The following WDR41 variants were observed in gnomAD, a reference collection of about 807,000 sequenced individuals.
WDR41 encodes the protein WD repeat domain 41.
A neutral mutation model predicts 69.3 loss-of-function variants in WDR41; 63 were observed. The ratio of observed to expected loss-of-function variants is 0.91; its 90% CI spans 0.74 to 1.12. The LOEUF is 1.12. Ranked by LOEUF, WDR41 falls within the 50% of genes most tolerant of loss-of-function variation. The probability of loss-of-function intolerance (pLI) is 0.00; values close to 1 mark genes in which losing one functional copy is unlikely to be tolerated. For missense variants in WDR41, 543 were observed against 534.5 expected (o/e 1.02, Z -0.16); for synonymous variants, 185 against 192.1 (o/e 0.96, Z 0.31).
intron 1 of WDR41, among the ~76,000 whole-genome samples, chr5:77,594,790 G>A (rs573800147): frequency 6.6e-6 from 1 of 152,322 alleles, no homozygotes; most frequent in South Asian, 2.1e-4. Flanking sequence ...AATGCAGCCT[G>A]CATTATGCGG....
At position 77,451,259 on chromosome 5, in the gene WDR41, A is replaced by G. The variant is rs749336887; in HGVS notation, c.586+32T>C. 5 of 1,608,816 alleles carry G rather than the reference A, an allele frequency of 3.1e-6. No individual in the cohort carries two copies. In the East Asian group the frequency reaches 1.1e-4, roughly 36 times the overall value. ...AGCATGTGTATACAATTCTCGTTCA[A>G]AATACACAAAAAGAAAAAAATTCAT... On this transcript the variant is annotated intron_variant, in intron 7 of 12. Coordinates refer to ENST00000296679, the MANE Select transcript of WDR41 (RefSeq NM_018268.4).
chr5:77,471,429 A>C (rs1800602831), intron 2 of WDR41, among the ~76,000 whole-genome samples: 1 of 152,214 alleles, frequency 6.6e-6, no homozygotes, highest in Non-Finnish European at 1.5e-5. Flanking sequence ...CTAAGATCAG[A>C]GCAGAACTGA....
intron 5 of WDR41, chr5:77,458,857 C>A: frequency 4.9e-6 from 2 of 410,314 alleles, no homozygotes; most frequent in Admixed American, 8.7e-5. Context: ...GGGATTATCC[C>A]TTGCTCTAAT....
intron 1 of WDR41, among the ~76,000 whole-genome samples, chr5:77,614,706 C>G (rs10059278): frequency 0.02 from 2,973 of 147,434 alleles, 56 homozygotes; most frequent in Non-Finnish European, 0.029. Context: ...CTTAATGACG[C>G]GTTAATGGGT....
At chr5:77,608,040 G>A (rs993393015) in intron 1 of WDR41, among the ~76,000 whole-genome samples, 2 of 152,024 alleles carry the variant, frequency 1.3e-5, no homozygotes, top group Non-Finnish European at 2.9e-5. Context: ...CTTTTCTCTT[G>A]CAAAATTGAA....
chr5:77,610,324 A>G (rs368414184), intron 1 of WDR41, among the ~76,000 whole-genome samples: 2 of 151,990 alleles, frequency 1.3e-5, no homozygotes, highest in African/African-American at 4.8e-5. Context: ...GATATTCCTC[A>G]AGAAGAGCAA....
At chr5:77,612,898 T>C (rs567874939) in intron 1 of WDR41, among the ~76,000 whole-genome samples, 2,891 of 151,572 alleles carry the variant, frequency 0.019, 32 homozygotes, top group Non-Finnish European at 0.031. Context: ...GAAAACCCCA[T>C]CGTCTCAGCC....
chr5:77,512,700 C>G (rs139281453), intron 1 of WDR41, among the ~76,000 whole-genome samples: 4,997 of 140,090 alleles, frequency 0.036, 122 homozygotes, highest in Middle Eastern at 0.11. Context: ...GAGCTGAGAT[C>G]ACGCCACTGC....
At chr5:77,550,610 GAGAATGCTTATACACTGT>G (rs1743278706) in intron 1 of WDR41, among the ~76,000 whole-genome samples, 1 of 152,216 alleles carries the variant, frequency 6.6e-6, no homozygotes, top group Non-Finnish European at 1.5e-5. Context: ...GTGGAGAAAA[GAGAATGCTTATACACTGT>G]TGGTGGGAAT....
intron 1 of WDR41, among the ~76,000 whole-genome samples, chr5:77,576,146 A>G (rs1322510527): frequency 2.0e-5 from 3 of 151,690 alleles, no homozygotes; most frequent in African/African-American, 7.3e-5. Flanking sequence ...ACGCACCCTT[A>G]CTCTCTTTCC....
intron 2 of WDR41, among the ~76,000 whole-genome samples, chr5:77,481,166 C>T (rs1000104874): frequency 1.6e-4 from 25 of 152,188 alleles, no homozygotes; most frequent in Non-Finnish European, 1.8e-4. Flanking sequence ...CCCACGACCA[C>T]GCATGGCTGA....
intron 5 of WDR41, among the ~76,000 whole-genome samples, chr5:77,458,338 A>G (rs941132065): frequency 6.6e-6 from 1 of 152,130 alleles, no homozygotes; most frequent in Non-Finnish European, 1.5e-5. Flanking sequence ...GCACACAGCA[A>G]TTCTTTTTAC....
intron 1 of WDR41, among the ~76,000 whole-genome samples, chr5:77,558,700 T>A (rs1743460311): frequency 6.6e-6 from 1 of 152,242 alleles, no homozygotes; most frequent in Non-Finnish European, 1.5e-5. Context: ...ACTATTTATG[T>A]TATTGCAGTG....
intron 1 of WDR41, among the ~76,000 whole-genome samples, chr5:77,616,413 C>T (rs1349947130): frequency 1.3e-5 from 2 of 152,186 alleles, no homozygotes; most frequent in African/African-American, 4.8e-5. Context: ...ATTAATGTAG[C>T]AGCACATCTG....
chr5:77,558,121 A>AAAAAC (rs1389601993), intron 1 of WDR41, among the ~76,000 whole-genome samples: 2 of 150,662 alleles, frequency 1.3e-5, no homozygotes, highest in Admixed American at 1.3e-4. Flanking sequence ...AAAAAACAAA[A>AAAAAC]CAGGAGTAGG....
At chr5:77,521,348 A>G (rs953902639) in intron 1 of WDR41, among the ~76,000 whole-genome samples, 1 of 152,238 alleles carries the variant, frequency 6.6e-6, no homozygotes, top group East Asian at 1.9e-4. Context: ...TCAGGCAGTA[A>G]TGCCGGCTCC....
At chr5:77,435,789 C>T (rs1798916923) in intron 12 of WDR41, among the ~76,000 whole-genome samples, 1 of 152,158 alleles carries the variant, frequency 6.6e-6, no homozygotes, top group African/African-American at 2.4e-5. Flanking sequence ...TTCATATTTG[C>T]ACAATGAAAA....
chr5:77,500,758 G>T (rs1802005275), intron 1 of WDR41, among the ~76,000 whole-genome samples: 1 of 152,188 alleles, frequency 6.6e-6, no homozygotes, highest in African/African-American at 2.4e-5. Flanking sequence ...ATTTCCTGTA[G>T]ATAGACAAGC....
chr5:77,532,923 A>G (rs181827676), intron 1 of WDR41, among the ~76,000 whole-genome samples: 20 of 152,096 alleles, frequency 1.3e-4, no homozygotes, highest in African/African-American at 3.6e-4. Flanking sequence ...GCAATGTTCT[A>G]TTTCTTTACT....
Sources: gnomAD v4.1 joint callset for allele counts (sites outside exome capture counted in the v4.1 genomes callset) on GRCh38, gnomAD v4.1.1 for gene constraint, MANE v1.5 for transcripts, NCBI Gene and HGNC (gene_info 2026-07-23, HGNC 2026-07-21) for gene names.